Variants in SLC1A6 observed in about 807,000 individuals in gnomAD.
SLC1A6 encodes solute carrier family 1 member 6.
SLC1A6 carries 15 observed loss-of-function variants against 42.1 expected under a neutral mutation model. The ratio of observed to expected loss-of-function variants is 0.36; its 90% CI spans 0.24 to 0.55. The LOEUF (loss-of-function observed/expected upper bound fraction) is 0.55. SLC1A6 is among the 20% of genes least tolerant of loss of function. The pLI, the probability that SLC1A6 is intolerant of heterozygous loss-of-function variation, is 0.88. For synonymous variants in SLC1A6, 317 were observed against 319.7 expected (o/e 0.99, Z 0.09); for missense variants, 542 against 772.5 (o/e 0.70, Z 3.54).
chr19:14,980,065 C>T (rs1039094394), upstream of SLC1A6: 1 of 152,328 alleles, frequency 6.6e-6, no homozygotes, highest in Non-Finnish European at 1.5e-5. Flanking sequence ...AGGCGCGGCT[C>T]TAGTGTCCCA....
intron 7 of SLC1A6, 77 bp downstream of exon 7, chr19:14,956,399 G>T: frequency 1.2e-6 from 1 of 867,548 alleles, no homozygotes; most frequent in South Asian, 1.8e-5. Context: ...AATGGAGAGG[G>T]CAGGTGCCTT....
chr19:15,008,357 G>C (rs1022506913), intron 1 of SLC1A6, among the ~76,000 whole-genome samples: 1 of 151,772 alleles, frequency 6.6e-6, no homozygotes, highest in African/African-American at 2.4e-5. Context: ...TAGAAAAAGA[G>C]AGATATATAT....
At chr19:14,984,648 T>C (rs148787072), upstream of SLC1A6, among the ~76,000 whole-genome samples, 95 of 152,338 alleles carry the variant, frequency 6.2e-4, 1 homozygote, top group East Asian at 0.018. Flanking sequence ...TAAAATCCAT[T>C]AAGCTCGTCT....
At chr19:14,954,386 G>T (rs541573699) in intron 7 of SLC1A6, 57 bp from the exon 8 acceptor site, 1 of 1,516,502 alleles carries the variant, frequency 6.6e-7, no homozygotes, top group African/African-American at 1.4e-5. Flanking sequence ...GGCGGGGCTG[G>T]GAACAGGGTG....
chr19:15,005,436 G>C (rs2145245013), intron 1 of SLC1A6, among the ~76,000 whole-genome samples: 1 of 152,164 alleles, frequency 6.6e-6, no homozygotes, highest in Non-Finnish European at 1.5e-5. Flanking sequence ...TTGAACCTGG[G>C]AGGCGTAGGT....
At chr19:14,964,496 C>T (rs1478767279) in intron 4 of SLC1A6, 135 bp from the exon 5 acceptor site, 1 of 741,518 alleles carries the variant, frequency 1.3e-6, no homozygotes. Flanking sequence ...GGGCACTGAG[C>T]AAGCATCTTA....
At chr19:14,975,856 G>C (rs1397540153) in intron 1 of SLC1A6, among the ~76,000 whole-genome samples, 2 of 129,252 alleles carry the variant, frequency 1.5e-5, no homozygotes, top group Non-Finnish European at 3.2e-5. Context: ...AAAGGGAAGG[G>C]AAGGGAAGGG....
intron 1 of SLC1A6, among the ~76,000 whole-genome samples, chr19:15,003,063 C>T (rs34802679): frequency 0.097 from 14,771 of 152,136 alleles, 882 homozygotes; most frequent in East Asian, 0.2. Context: ...ACTGCAACCT[C>T]CGCCCCCCGG....
In SLC1A6 at chr19:14,998,003, T is replaced by TGTG. The variant is rs1568301469; in HGVS notation, c.6+12481_6+12482insCAC. On this transcript the variant is annotated intron_variant, in intron 1 of 8. Coordinates refer to the SLC1A6 transcript ENST00000430939. ...ATATTTATGATGTACAATATGATGT[T>TGTG]TGTGTGTGTGTGTGTGTGTATGCAC... is the stretch of plus-strand genomic sequence containing the variant. Among the ~76,000 whole-genome samples, 176 of 140,516 alleles carry TGTG rather than the reference T, an allele frequency of 1.3e-3. No homozygotes were observed. The East Asian group carries it at 0.014, about 11-fold the overall frequency. The allele number at this position is 140,516 out of a possible 152,430, so 92.2% of individuals were successfully genotyped here.
chr19:14,990,803 G>T (rs1306560501), intron 1 of SLC1A6, among the ~76,000 whole-genome samples: 1 of 145,800 alleles, frequency 6.9e-6, no homozygotes, highest in African/African-American at 2.5e-5. Context: ...AAAAAAAAAC[G>T]AATAATTTCA....
chr19:14,962,045 T>A lies in SLC1A6; in HGVS notation c.892A>T (p.Ser298Cys). 1 of 1,614,190 alleles carries A rather than the reference T, an allele frequency of 6.2e-7. No individual in the cohort carries two copies. ...AGCCTCATAATAGCCTCATTGAGGC[T>A]GTCGAAGAAGTCCCTGAGGACTCTG... ...KGRVLRDFFD[S>C]LNEAIMRLVG... The change falls in exon 6 of 10, where the codon AGC (serine) becomes TGC (cysteine). Residue 298 changes from serine to cysteine, a missense_variant. This residue lies in a region of SLC1A6 where 298 missense variants were observed against 419.4 expected (regional missense o/e 0.71). Coordinates refer to ENST00000594383, the MANE Select transcript of SLC1A6 (RefSeq NM_005071.3).
chr19:14,979,931 C>T (rs991223058), upstream of SLC1A6: 2 of 152,266 alleles, frequency 1.3e-5, no homozygotes, highest in Non-Finnish European at 1.5e-5. This position sits in a 1 kb window ranked among gnomAD's most constrained non-coding sequence, Gnocchi z 4.2. Context: ...AGCCGCGCCT[C>T]CGCGCCCCCG....
chr19:14,951,058 C>A lies in SLC1A6; in HGVS notation c.1500-668G>T, dbSNP rs2045406200. On this transcript the variant is annotated intron_variant, in intron 9 of 9. Coordinates refer to ENST00000594383, the MANE Select transcript of SLC1A6 (RefSeq NM_005071.3). ...GACCGGCCTGACCAACATAGTGAAA[C>A]CCTGTCTCTACTAAAAATACAAAAA... Among the ~76,000 whole-genome samples, 3 of 140,774 alleles carry A rather than the reference C, an allele frequency of 2.1e-5. No homozygotes were observed. The Admixed American group carries it at 2.2e-4, about 11-fold the overall frequency. The allele number at this position is 140,774 out of a possible 152,430, so 92.4% of individuals were successfully genotyped here. A position where few individuals can be genotyped will look rare whatever the true frequency, so the allele number is the denominator to read the frequency against.
At chr19:14,991,862 G>T (rs1306585388) in intron 1 of SLC1A6, among the ~76,000 whole-genome samples, 4 of 151,406 alleles carry the variant, frequency 2.6e-5, no homozygotes, top group African/African-American at 9.7e-5. Flanking sequence ...TTTCTAGAGG[G>T]AGTCTTGCTC....
chr19:15,000,243 A>G (rs1450092911), intron 1 of SLC1A6, among the ~76,000 whole-genome samples: 1 of 152,216 alleles, frequency 6.6e-6, no homozygotes, highest in Non-Finnish European at 1.5e-5. Flanking sequence ...TAACCTTATC[A>G]TAAGTTGAGG....
intron 1 of SLC1A6, among the ~76,000 whole-genome samples, chr19:15,001,996 G>C (rs1266853275): frequency 6.6e-6 from 1 of 152,068 alleles, no homozygotes. Context: ...TCACTAATGA[G>C]AAAAAGATTT....
chr19:14,959,694 C>T lies in SLC1A6; in HGVS notation c.935+2308G>A, dbSNP rs546916220. On this transcript the variant is annotated intron_variant, in intron 6 of 9. Coordinates refer to ENST00000594383, the MANE Select transcript of SLC1A6 (RefSeq NM_005071.3). ...CCCATGCTCTCACCTTCCTGAATGC[C>T]CCACCATTCTCCAAACAACTTAGGT... Among the ~76,000 whole-genome samples, 7 of 152,246 alleles carry T rather than the reference C, an allele frequency of 4.6e-5. No homozygotes were observed. In the South Asian group the frequency reaches 8.3e-4, roughly 18 times the overall value.
At chr19:14,985,810 A>G (rs2045789879) in intron 1 of SLC1A6, among the ~76,000 whole-genome samples, 1 of 152,148 alleles carries the variant, frequency 6.6e-6, no homozygotes, top group South Asian at 2.1e-4. Flanking sequence ...TTACAATACA[A>G]AAATTAGCTG....
In SLC1A6 at chr19:14,972,922, G is replaced by A. The variant is rs181299732; in HGVS notation, c.-7-5C>T. Reference sequence around the variant, plus strand: ...CCATGGCTGCTCATGGTCTATCTGCGGGAAACAGAGAAGCCTGGGGCTGGT... The same window carrying A: ...CCATGGCTGCTCATGGTCTATCTGCAGGAAACAGAGAAGCCTGGGGCTGGT... On this transcript the variant is annotated splice_polypyrimidine_tract_variant and splice_region_variant and intron_variant, in intron 1 of 9. Transcript: ENST00000594383. 7.3e-5 allele frequency: 113 copies of A among 1,557,904 alleles called. No homozygotes were observed. In the African/African-American group the frequency reaches 1.3e-3, roughly 18 times the overall value.
Sources: gnomAD v4.1 joint callset for allele counts (sites outside exome capture counted in the v4.1 genomes callset) on GRCh38, gnomAD v4.1.1 for gene constraint, gnomAD v4.1.1 regional missense constraint, Gnocchi (gnomAD v3.1) non-coding constraint, MANE v1.5 for transcripts, NCBI Gene and HGNC (gene_info 2026-07-23, HGNC 2026-07-21) for gene names.